ZCWPW2: variants seen among roughly 807,000 people sequenced by gnomAD.
ZCWPW2 encodes zinc finger CW-type and PWWP domain containing 2, also known as zinc finger CW-type PWWP domain protein 2.
In ZCWPW2, 45 loss-of-function variants were observed where a neutral mutation model predicts 46.6. That is an observed-to-expected ratio of 0.96 (90% CI 0.76 to 1.24). The LOEUF (loss-of-function observed/expected upper bound fraction) is 1.24. Ranked by LOEUF, ZCWPW2 falls within the 50% of genes most tolerant of loss-of-function variation. The pLI, the probability that ZCWPW2 is intolerant of heterozygous loss-of-function variation, is 0.00. For synonymous variants in ZCWPW2, 152 were observed against 137.1 expected (o/e 1.11, Z -0.76); for missense variants, 429 against 403.9 (o/e 1.06, Z -0.53).
chr3:28,476,290 T>C (rs1699235745), intron 4 of ZCWPW2, among the ~76,000 whole-genome samples: 1 of 152,066 alleles, frequency 6.6e-6, no homozygotes, highest in African/African-American at 2.4e-5. Context: ...AATTTAAAAA[T>C]GCAAAGCACA....
Position 28,464,409 on chromosome 3 carries a change from G to A in ZCWPW2, c.493-14405G>A, listed in dbSNP as rs138640633. On this transcript the variant is annotated intron_variant, in intron 4 of 9. Coordinates refer to ENST00000383768, the MANE Select transcript of ZCWPW2 (RefSeq NM_001040432.4). Reference sequence around the variant, plus strand: ...GGCAGAATATGATAATGAGATATAGGTTGAAAGCAACCAACTAAAAAAAAG... The same window carrying A: ...GGCAGAATATGATAATGAGATATAGATTGAAAGCAACCAACTAAAAAAAAG... Among the ~76,000 whole-genome samples the A allele has an allele frequency of 2.5e-3, 375 of 152,054 alleles. 1 individual carries two copies. The highest frequency in any genetic ancestry group is 8.3e-3 in the African/African-American group (343 of 41,470).
chr3:28,409,721 A>G (rs1696322316), intron 2 of ZCWPW2, among the ~76,000 whole-genome samples: 1 of 152,164 alleles, frequency 6.6e-6, no homozygotes, highest in Non-Finnish European at 1.5e-5. Flanking sequence ...ATTGTAATAA[A>G]AATAACATAA....
At chr3:28,492,738 A>G (rs1699853877) in intron 6 of ZCWPW2, among the ~76,000 whole-genome samples, 2 of 152,156 alleles carry the variant, frequency 1.3e-5, no homozygotes, top group Non-Finnish European at 2.9e-5. Context: ...TTGGGATAGG[A>G]TGAACCTTGA....
chr3:28,436,634 G>T (rs1358265544), intron 4 of ZCWPW2, among the ~76,000 whole-genome samples: 2 of 151,880 alleles, frequency 1.3e-5, no homozygotes, highest in African/African-American at 2.4e-5. Flanking sequence ...ATTTTGTTTG[G>T]TGTTTTATAC....
At chr3:28,382,093 T>G (rs1025975010) in intron 1 of ZCWPW2, among the ~76,000 whole-genome samples, 1 of 138,650 alleles carries the variant, frequency 7.2e-6, no homozygotes, top group Admixed American at 8.1e-5. Context: ...ACCTGGGAGG[T>G]GGAGGTTGCA....
chr3:28,508,357 A>T (rs1700336367), intron 6 of ZCWPW2, among the ~76,000 whole-genome samples: 1 of 151,194 alleles, frequency 6.6e-6, no homozygotes, highest in Non-Finnish European at 1.5e-5. Flanking sequence ...TTCTGAGTTA[A>T]TTTTTTTTTA....
At chr3:28,349,730 A>C (rs563522573) in intron 1 of ZCWPW2, among the ~76,000 whole-genome samples, 1 of 151,618 alleles carries the variant, frequency 6.6e-6, no homozygotes, top group African/African-American at 2.4e-5. Flanking sequence ...TAAATAAACA[A>C]ATAAACAAGG....
At chr3:28,379,609 A>G (rs1705608328) in intron 1 of ZCWPW2, among the ~76,000 whole-genome samples, 1 of 152,218 alleles carries the variant, frequency 6.6e-6, no homozygotes, top group Non-Finnish European at 1.5e-5. Flanking sequence ...TTCTATTTCC[A>G]AAACATTTTT....
intron 1 of ZCWPW2, among the ~76,000 whole-genome samples, chr3:28,357,887 T>C (rs1016147052): frequency 6.6e-6 from 1 of 150,854 alleles, no homozygotes; most frequent in African/African-American, 2.4e-5. Flanking sequence ...CAATATACTT[T>C]GTAGTAATTA....
intron 4 of ZCWPW2, among the ~76,000 whole-genome samples, chr3:28,475,735 A>G (rs954006332): frequency 2.6e-5 from 4 of 152,078 alleles, no homozygotes; most frequent in Non-Finnish European, 5.9e-5. Flanking sequence ...TGCCTGGAGT[A>G]TGCTTTCCAT....
intron 5 of ZCWPW2, among the ~76,000 whole-genome samples, chr3:28,491,825 T>G (rs1699821044): frequency 6.6e-6 from 1 of 151,886 alleles, no homozygotes; most frequent in Non-Finnish European, 1.5e-5. Flanking sequence ...GCACACAAGC[T>G]CCCCAGAACC....
intron 6 of ZCWPW2, among the ~76,000 whole-genome samples, chr3:28,511,399 TAGC>T (rs537794159): frequency 2.0e-5 from 3 of 152,210 alleles, no homozygotes; most frequent in Non-Finnish European, 2.9e-5. Context: ...TCAAAAATGT[TAGC>T]AGCAAATTCT....
chr3:28,380,948 A>ATATTTGG (rs1553630610), intron 1 of ZCWPW2, among the ~76,000 whole-genome samples: 4 of 41,428 alleles, frequency 9.7e-5, no homozygotes, highest in African/African-American at 3.7e-4. Flanking sequence ...ATATATATAT[A>ATATTTGG]TATATATATA....
At chr3:28,503,062 A>G (rs1232447833) in intron 6 of ZCWPW2, among the ~76,000 whole-genome samples, 1 of 152,080 alleles carries the variant, frequency 6.6e-6, no homozygotes, top group East Asian at 1.9e-4. Flanking sequence ...AATTCAGTTG[A>G]GATTAATTTA....
At chr3:28,399,491 G>T (rs766102620) in intron 2 of ZCWPW2, among the ~76,000 whole-genome samples, 1 of 152,144 alleles carries the variant, frequency 6.6e-6, no homozygotes, top group Non-Finnish European at 1.5e-5. Flanking sequence ...CAAAAGTAGT[G>T]CATTAAACCA....
intron 1 of ZCWPW2, among the ~76,000 whole-genome samples, chr3:28,365,773 C>T (rs1248945437): frequency 2.1e-5 from 3 of 140,944 alleles, no homozygotes; most frequent in Non-Finnish European, 3.2e-5. Context: ...TTCTTCCTAC[C>T]CATGAGCATG....
Position 28,515,402 on chromosome 3 carries a change from C to G in ZCWPW2, c.717-152C>G, listed in dbSNP as rs1051169056. The G allele has an allele frequency of 6.3e-6, 4 of 639,882 alleles. No homozygotes were observed. In the Admixed American group the frequency reaches 1.2e-4, roughly 19 times the overall value. 39.6% of individuals were successfully genotyped at this position (639,882 alleles called of 1,614,324 possible). ...TAGTCTTTTTTGTTTTTCACTGCAACATACTTTGTTACTACATAAAACAAC... is the reference window on the plus strand; with the variant it reads ...TAGTCTTTTTTGTTTTTCACTGCAAGATACTTTGTTACTACATAAAACAAC... On this transcript the variant is annotated intron_variant, in intron 7 of 9. Coordinates refer to ENST00000383768, the MANE Select transcript of ZCWPW2 (RefSeq NM_001040432.4).
At chr3:28,481,743 A>G (rs1032009148) in intron 5 of ZCWPW2, among the ~76,000 whole-genome samples, 5 of 152,120 alleles carry the variant, frequency 3.3e-5, no homozygotes, top group African/African-American at 7.2e-5. Flanking sequence ...CAAAAAATGT[A>G]TATGTGAAAA....
chr3:28,402,164 T>G (rs1471411220), intron 2 of ZCWPW2, among the ~76,000 whole-genome samples: 2 of 151,872 alleles, frequency 1.3e-5, no homozygotes, highest in African/African-American at 4.8e-5. Context: ...TAAATAAAAC[T>G]TTTAGACTAT....
Sources: allele counts gnomAD v4.1 joint callset (sites outside exome capture counted in the v4.1 genomes callset), GRCh38; gene constraint gnomAD v4.1.1; transcripts MANE v1.5; gene names NCBI Gene and HGNC (gene_info 2026-07-23, HGNC 2026-07-21).